FCGR1A: variants seen among roughly 807,000 people sequenced by gnomAD.
FCGR1A encodes high affinity immunoglobulin gamma Fc receptor I.
FCGR1A carries 13 observed loss-of-function variants against 35.0 expected under a neutral mutation model. That is an observed-to-expected ratio of 0.37 (90% CI 0.24 to 0.59). The LOEUF (loss-of-function observed/expected upper bound fraction) is 0.59. Ranked by LOEUF, FCGR1A falls within the 20% of genes least tolerant of loss-of-function variation. The pLI is 0.71. For synonymous variants in FCGR1A, 91 were observed against 164.7 expected (o/e 0.55, Z 3.43); for missense variants, 227 against 430.0 (o/e 0.53, Z 4.17).
chr1:149,789,427 A>G (rs1322338667), intron 4 of FCGR1A, among the ~76,000 whole-genome samples: 5 of 149,592 alleles, frequency 3.3e-5, no homozygotes, highest in South Asian at 4.1e-4. Flanking sequence ...TAATGATGAT[A>G]ATAAAGTCAC....
At chr1:149,788,692 A>G in intron 4 of FCGR1A, 75 bp downstream of exon 4, 1 of 1,539,490 alleles carries the variant, frequency 6.5e-7, no homozygotes, top group Non-Finnish European at 8.9e-7. Flanking sequence ...TAAACTCCTC[A>G]CTTTAATTTA....
At chr1:149,786,632 C>A (rs2102038958) in intron 3 of FCGR1A, 1 of 152,026 alleles carries the variant, frequency 6.6e-6, no homozygotes, top group South Asian at 2.1e-4. Context: ...TGGCTGACAC[C>A]AAAGTCATGA....
At chr1:149,793,154 T>C (rs3005605), downstream of FCGR1A, 7,880 of 1,273,406 alleles carry the variant, frequency 6.2e-3, 299 homozygotes, top group African/African-American at 0.098. Context: ...GAGAGGAGGA[T>C]TGGTAGATCA....
chr1:149,785,591 G>C (rs2091527186), intron 3 of FCGR1A: 1 of 151,720 alleles, frequency 6.6e-6, no homozygotes, highest in Non-Finnish European at 1.5e-5. Context: ...GGGCTGGGAA[G>C]AGTCCATTTT....
downstream of FCGR1A, chr1:149,792,819 A>G: frequency 7.8e-7 from 1 of 1,279,384 alleles, no homozygotes; most frequent in Non-Finnish European, 1.0e-6. Flanking sequence ...GTGGGCAGCA[A>G]CGGCGGCAGG....
downstream of FCGR1A, chr1:149,792,357 T>C (rs1455513331): frequency 1.0e-5 from 3 of 292,336 alleles, no homozygotes; most frequent in Non-Finnish European, 1.7e-5. Flanking sequence ...CCTGATTTTC[T>C]GGTTACTAAT....
chr1:149,800,368 C>T, the FCGR1A span, among the ~76,000 whole-genome samples: 2 of 151,668 alleles, frequency 1.3e-5, no homozygotes, highest in East Asian at 2.0e-4. Context: ...CATTGGTGAT[C>T]GGCTTAACCT....
Position 149,790,252 on chromosome 1 carries a change from A to C in FCGR1A, c.758A>C (p.Glu253Ala), listed in dbSNP as rs1553751577. Reference protein sequence around the residue: ...SEYQILTARREDSGLYWCEAA... With the variant: ...SEYQILTARRADSGLYWCEAA... ...TACCAAATACTAACTGCTAGAAGAG[A>C]AGACTCTGGGTTATACTGGTGCGAG... The change falls in exon 5 of 6, where the codon GAA (glutamate) becomes GCA (alanine). Residue 253 changes from glutamate (E) to alanine (A), a missense_variant. Coordinates refer to ENST00000369168, the MANE Select transcript of FCGR1A (RefSeq NM_000566.4). 2.5e-6 allele frequency: 4 copies of C among 1,605,710 alleles called. No homozygotes were observed. The East Asian group carries it at 8.9e-5, about 36-fold the overall frequency.
downstream of FCGR1A, chr1:149,792,699 A>G: frequency 7.8e-7 from 1 of 1,282,232 alleles, no homozygotes; most frequent in Non-Finnish European, 1.0e-6. Context: ...GCTGCGGCGA[A>G]AGCTGTTGGG....
chr1:149,786,906 G>A (rs1435948997), intron 3 of FCGR1A: 1 of 151,940 alleles, frequency 6.6e-6, no homozygotes, highest in East Asian at 1.9e-4. Flanking sequence ...TTGCTTTGTG[G>A]CCTAGTTCAC....
chr1:149,788,281 A>G (rs1206605978), intron 3 of FCGR1A, 85 bp from the exon 4 acceptor site: 2 of 1,609,530 alleles, frequency 1.2e-6, no homozygotes, highest in Non-Finnish European at 1.7e-6. Context: ...TGCAAGGAGA[A>G]AAAATAGGAA....
rs2091708217 is a variant in FCGR1A at position 149,791,412 on chromosome 1, C to G, written c.1020C>G (p.Ser340Arg). The G allele has an allele frequency of 6.2e-7, 1 of 1,601,456 alleles. No homozygotes were observed. ...GTCATGAGAAGAAGGTAATTTCCAG[C>G]CTTCAAGAAGACAGACATTTAGAAG... is the stretch of plus-strand genomic sequence containing the variant. ...DSGHEKKVIS[S>R]LQEDRHLEEE... Residue 340 changes from serine to arginine, a missense_variant, in exon 6 of 6, where the codon AGC (serine) becomes AGG (arginine). By Grantham distance (110) the Ser-to-Arg change is moderately radical. Around this residue, in one of 3 missense-constraint regions of FCGR1A, gnomAD observed 39 missense variants for 101.3 expected, o/e 0.38. Transcript: ENST00000369168.
intron 5 of FCGR1A, among the ~76,000 whole-genome samples, chr1:149,790,664 TTCTC>T (rs57604922): frequency 0.039 from 5,707 of 145,888 alleles, 163 homozygotes; most frequent in East Asian, 0.12. Context: ...TGACCCCCCC[TTCTC>T]TCTCTCTCTC....
intron 5 of FCGR1A, among the ~76,000 whole-genome samples, chr1:149,790,656 AC>A (rs1468060097): frequency 8.4e-6 from 1 of 118,670 alleles, no homozygotes; most frequent in East Asian, 2.3e-4. Flanking sequence ...CCACTCCATG[AC>A]CCCCCCTTCT....
At chr1:149,785,411 T>TTG (rs2091518358) in intron 3 of FCGR1A, among the ~76,000 whole-genome samples, 1 of 127,246 alleles carries the variant, frequency 7.9e-6, no homozygotes, top group Non-Finnish European at 1.7e-5. Context: ...CTGTTTCGTT[T>TTG]TTTTTTTTTT....
chr1:149,792,834 TG>T (rs1553752216), downstream of FCGR1A: 1 of 1,277,590 alleles, frequency 7.8e-7, no homozygotes, highest in African/African-American at 1.6e-5. Context: ...GGCAGGCGGA[TG>T]GAAGAGAGCA....
chr1:149,797,726 CA>C, the FCGR1A span, among the ~76,000 whole-genome samples: 3 of 152,136 alleles, frequency 2.0e-5, no homozygotes, highest in Admixed American at 1.3e-4. Context: ...GCCTCCCTAG[CA>C]GTTCGAACTA....
chr1:149,789,418 A>G (rs111328914), intron 4 of FCGR1A, among the ~76,000 whole-genome samples: 12,368 of 150,024 alleles, frequency 0.082, 712 homozygotes, highest in South Asian at 0.12. Context: ...TAATAATAAT[A>G]ATGATGATAA....
downstream of FCGR1A, chr1:149,793,300 C>G: frequency 8.5e-7 from 1 of 1,179,202 alleles, no homozygotes; most frequent in Non-Finnish European, 1.1e-6. Flanking sequence ...CCCCGTCCAG[C>G]TCGGAGGACC....
Sources: allele counts gnomAD v4.1 joint callset (sites outside exome capture counted in the v4.1 genomes callset), GRCh38; gene constraint gnomAD v4.1.1; regional missense constraint gnomAD v4.1.1; transcripts MANE v1.5; gene names NCBI Gene and HGNC (gene_info 2026-07-23, HGNC 2026-07-21).